DCAF15: variants seen among roughly 807,000 people sequenced by gnomAD.
DCAF15 encodes the protein DDB1 and CUL4 associated factor 15.
Under a neutral mutation model 68.0 loss-of-function variants are expected in DCAF15, and 24 were observed. That is an observed-to-expected ratio of 0.35 (90% CI 0.26 to 0.50). The LOEUF is 0.50. Among genes scored for constraint, DCAF15 ranks in the 20% least tolerant of loss-of-function variants. DCAF15 has a pLI of 0.98. For missense variants in DCAF15, 627 were observed against 830.6 expected, an observed-to-expected ratio of 0.75 and a Z score of 3.01; for synonymous variants, 376 against 341.6, an observed-to-expected ratio of 1.10 and a Z score of -1.11.
chr19:13,953,433 G>C, intron 1 of DCAF15: 1 of 314,568 alleles, frequency 3.2e-6, no homozygotes, highest in Non-Finnish European at 5.9e-6. Context: ...CCTGGGCTGG[G>C]ACAGTCTCCG....
chr19:13,961,103 G>A lies in DCAF15; in HGVS notation c.*108G>A. 2 of 1,348,192 alleles carry A rather than the reference G, an allele frequency of 1.5e-6. No individual in the cohort carries two copies. The highest frequency in any genetic ancestry group is 1.2e-5 in the South Asian group (1 of 83,456). The allele number at this position is 1,348,192 out of a possible 1,614,324, so 83.5% of individuals were successfully genotyped here. A position where few individuals can be genotyped will look rare whatever the true frequency, so the allele number is the denominator to read the frequency against. ...CGGCTGGCCCACCGACTGATGACCG[G>A]CACTAGTGTTAGCCTGCGGAACGGG... On this transcript the variant is annotated 3_prime_UTR_variant, in exon 13 of 13. Transcript: ENST00000254337.
chr19:13,956,629 C>A (rs1038361941), intron 6 of DCAF15, 107 bp downstream of exon 6: 51 of 1,268,646 alleles, frequency 4.0e-5, no homozygotes, highest in Non-Finnish European at 5.3e-5. Context: ...GGAGCTACTT[C>A]CCCAAGTCAC....
intron 4 of DCAF15, 25 bp from the exon 5 acceptor site, chr19:13,956,098 C>G (rs368241916): frequency 1.0e-4 from 167 of 1,610,170 alleles, no homozygotes; most frequent in Non-Finnish European, 1.3e-4. Flanking sequence ...GCCGACCAGG[C>G]AGCTGAGGGT....
chr19:13,959,312 C>G lies in DCAF15; in HGVS notation c.1052C>G (p.Ser351Cys), dbSNP rs769502125. The change falls in exon 7 of 13, where the codon TCT becomes TGT. Residue 351 changes from serine (S) to cysteine (C), a missense_variant. Around this residue, in one of 3 missense-constraint regions of DCAF15, gnomAD observed 236 missense variants for 225.1 expected, o/e 1.05. Transcript: ENST00000254337. Reference protein sequence around the residue: ...EARPALCPGPSGSRCRAHSEP... With the variant: ...EARPALCPGPCGSRCRAHSEP... The stretch of plus-strand genomic sequence containing the variant: ...CGGCCTGCCCTGTGCCCAGGACCCT[C>G]TGGCAGCCGCTGCCGTGCGCACTCT... The G allele has an allele frequency of 6.2e-7, 1 of 1,607,450 alleles. No individual in the cohort carries two copies. Among genetic ancestry groups the G allele is most frequent in the East Asian group, 2.2e-5 (1 of 44,874 alleles).
rs60563571 is a variant in DCAF15, at chr19:13,954,777, C to G, written c.366+116C>G. 3,751 of 1,136,954 alleles carry G rather than the reference C, an allele frequency of 3.3e-3. 35 individuals are homozygous for G. Among genetic ancestry groups the G allele is most frequent in the African/African-American group, 0.025 (1,612 of 64,792 alleles). The allele number at this position is 1,136,954 out of a possible 1,614,324, so 70.4% of individuals were successfully genotyped here. ...AATGATCATCATGTACTCCTGGGGTCATCATCAAGATTCCATGTGTTAGAT... is the reference window on the plus strand; with the variant it reads ...AATGATCATCATGTACTCCTGGGGTGATCATCAAGATTCCATGTGTTAGAT... On this transcript the variant is annotated intron_variant, in intron 3 of 12. Coordinates refer to ENST00000254337, the MANE Select transcript of DCAF15 (RefSeq NM_138353.4).
At chr19:13,956,580 C>T in intron 6 of DCAF15, 58 bp downstream of exon 6, 2 of 1,580,360 alleles carry the variant, frequency 1.3e-6, no homozygotes, top group South Asian at 2.2e-5. Context: ...CTCTCCCTAC[C>T]CCACCACACA....
intron 6 of DCAF15, 114 bp from the exon 7 acceptor site, chr19:13,958,931 A>G: frequency 1.5e-6 from 2 of 1,316,686 alleles, no homozygotes; most frequent in East Asian, 2.3e-5. Context: ...ATCTCAGCAT[A>G]GCCAAGTCTC....
chr19:13,953,180 C>A (rs1568447380), intron 1 of DCAF15: 2 of 1,509,548 alleles, frequency 1.3e-6, no homozygotes, highest in South Asian at 2.5e-5. Context: ...TCTTCCCCCG[C>A]AGAGTGAGAG....
rs1363132727 is a variant in DCAF15 at position 13,959,050 on chromosome 19, A to G, written c.790A>G (p.Arg264Gly). 2 of 1,600,250 alleles carry G rather than the reference A, an allele frequency of 1.2e-6. No homozygotes were observed. The highest frequency in any genetic ancestry group is 2.2e-5 in the East Asian group (1 of 44,666). The change falls in exon 7 of 13, where the codon AGG (arginine) becomes GGG (glycine). Residue 264 changes from arginine to glycine, a missense_variant. Coordinates refer to ENST00000254337, the MANE Select transcript of DCAF15 (RefSeq NM_138353.4). ...CAVSVHSAGD[R>G]SFCQILYDHS... ...CCACCCCCATCTCTTCTTAGGTGACAGGAGTTTCTGCCAAATCCTGTATGA... is the reference window on the plus strand; with the variant it reads ...CCACCCCCATCTCTTCTTAGGTGACGGGAGTTTCTGCCAAATCCTGTATGA...
chr19:13,960,053 G>C lies in DCAF15; in HGVS notation c.1510G>C (p.Glu504Gln). The change falls in exon 10 of 13, where the codon GAG becomes CAG. Residue 504 changes from glutamate to glutamine, a missense_variant. Glu to Gln is a conservative substitution (Grantham distance 29). Transcript: ENST00000254337. The part of the protein sequence containing the change: ...LLLLAFPSPT[E>Q]EGQLRPKTYH... Reference sequence around the variant, plus strand: ...GCTCCTGGCCTTCCCGTCCCCCACTGAGGAGGGCCAGCTCCGGTGAGCGCG... The same window carrying C: ...GCTCCTGGCCTTCCCGTCCCCCACTCAGGAGGGCCAGCTCCGGTGAGCGCG... 6.2e-7 allele frequency: 1 copy of C among 1,613,748 alleles called. No homozygotes were observed. The highest frequency in any genetic ancestry group is 8.5e-7 in the Non-Finnish European group (1 of 1,180,006).
In DCAF15 at chr19:13,954,534, T is replaced by C; in HGVS notation, c.239T>C (p.Phe80Ser). 6.2e-7 allele frequency: 1 copy of C among 1,614,198 alleles called. No homozygotes were observed. Among genetic ancestry groups the C allele is most frequent in the South Asian group, 1.1e-5 (1 of 91,092 alleles). ...CCCCTCCACCCCCACAGACATATCT[T>C]CCTGGGCTTTTCCAAATGCGGCCGC... is the stretch of plus-strand genomic sequence containing the variant. ...DEDFLYAGHI[F>S]LGFSKCGRYV... is the part of the protein sequence containing the mutation. Residue 80 changes from phenylalanine (F) to serine (S), a missense_variant, in exon 3 of 13, where the codon TTC (phenylalanine) becomes TCC (serine). By Grantham distance (155) the Phe-to-Ser change is radical (BLOSUM62 -2). Coordinates refer to ENST00000254337, the MANE Select transcript of DCAF15 (RefSeq NM_138353.4).
At position 13,953,221 on chromosome 19, in the gene DCAF15, G is replaced by C. The variant is rs1973167600; in HGVS notation, c.132+577G>C. 3.1e-6 allele frequency: 4 copies of C among 1,310,716 alleles called. No homozygotes were observed. In the South Asian group the frequency reaches 4.4e-5, roughly 14 times the overall value. 81.2% of individuals were successfully genotyped at this position (1,310,716 alleles called of 1,614,324 possible). ...GAAGCAGGCTCTGTCTCCTCCATCA[G>C]ACTGGAAACTCCCAGAGCTGGGGGA... On this transcript the variant is annotated intron_variant, in intron 1 of 12. Transcript: ENST00000254337.
chr19:13,953,518 G>C (rs558632963), intron 1 of DCAF15: 5 of 180,484 alleles, frequency 2.8e-5, no homozygotes, highest in South Asian at 1.2e-4. Flanking sequence ...CAGGGACTGT[G>C]TCTCCCCTGT....
In DCAF15 at chr19:13,959,222, A is replaced by G. The variant is rs756435939; in HGVS notation, c.962A>G (p.Lys321Arg). 22 of 1,612,884 alleles carry G rather than the reference A, an allele frequency of 1.4e-5. No homozygotes were observed. Among genetic ancestry groups the G allele is most frequent in the Middle Eastern group, 1.6e-4 (1 of 6,084 alleles). ...CCCTCGCCCGCCATTGCCAAAGCCA[A>G]GGAGTTTGTGGCTGACATCTTCCGC... is the stretch of plus-strand genomic sequence containing the variant. ...PEPSPAIAKA[K>R]EFVADIFRRA... The change falls in exon 7 of 13, where the codon AAG becomes AGG. Residue 321 changes from lysine (K) to arginine (R), a missense_variant. Coordinates refer to ENST00000254337, the MANE Select transcript of DCAF15 (RefSeq NM_138353.4).
At chr19:13,956,042 C>A (rs1196317251) in intron 4 of DCAF15, 24 bp downstream of exon 4, 1 of 1,613,074 alleles carries the variant, frequency 6.2e-7, no homozygotes, top group Admixed American at 1.7e-5. Context: ...CCTGGGGGAG[C>A]CTTGGCTGGT....
At chr19:13,958,457 G>T (rs1256191711) in intron 6 of DCAF15, among the ~76,000 whole-genome samples, 4 of 152,124 alleles carry the variant, frequency 2.6e-5, no homozygotes, top group Admixed American at 1.3e-4. Flanking sequence ...CTTGTAGGGG[G>T]CTTGGAGGAA....
rs1973574216 is a variant in DCAF15, at chr19:13,960,448, AC to A, written c.1632-12del. On this transcript the variant is annotated splice_polypyrimidine_tract_variant and intron_variant, in intron 11 of 12. Transcript: ENST00000254337. ...GCGGCCAAGGCGACGAGAGCCACTCACCCCCTGGCCCCGCAGCGGCAGTGTC... is the reference window on the plus strand; with the variant it reads ...GCGGCCAAGGCGACGAGAGCCACTCACCCCTGGCCCCGCAGCGGCAGTGTC... The A allele has an allele frequency of 1.2e-6, 2 of 1,611,288 alleles. No individual in the cohort carries two copies. The highest frequency in any genetic ancestry group is 1.3e-5 in the African/African-American group (1 of 74,948).
rs147338600 is a variant in DCAF15 at position 13,959,378 on chromosome 19, G to T, written c.1118G>T (p.Ser373Ile). The part of the protein sequence containing the change: ...ALCGETAPRD[S>I]PPASEAPASE... ...TGTGGAGAGACGGCACCCCGGGACA[G>T]CCCCCCTGCCTCGGAGGCACCTGCC... The change falls in exon 7 of 13, where the codon AGC becomes ATC. Residue 373 changes from serine (S) to isoleucine (I), a missense_variant. Physicochemically the swap from Ser to Ile is moderately radical, Grantham distance 142 (BLOSUM62 -2). This residue lies in a region of DCAF15 where 236 missense variants were observed against 225.1 expected (regional missense o/e 1.05). Transcript: ENST00000254337. The T allele has an allele frequency of 7.5e-6, 12 of 1,605,704 alleles. No homozygotes were observed. The African/African-American group carries it at 1.2e-4, about 16-fold the overall frequency.
At chr19:13,958,377 T>C (rs60994799) in intron 6 of DCAF15, among the ~76,000 whole-genome samples, 4,887 of 152,240 alleles carry the variant, frequency 0.032, 256 homozygotes, top group African/African-American at 0.11. Flanking sequence ...TCGATTTTTC[T>C]CAGATGTGAC....
Sources: gnomAD v4.1 joint callset for allele counts (sites outside exome capture counted in the v4.1 genomes callset) on GRCh38, gnomAD v4.1.1 for gene constraint, gnomAD v4.1.1 regional missense constraint, MANE v1.5 for transcripts, NCBI Gene and HGNC (gene_info 2026-07-23, HGNC 2026-07-21) for gene names.